The following DCAF8L2 variants were observed in gnomAD, a reference collection of about 807,000 sequenced individuals.
The protein encoded by DCAF8L2 is DDB1 and CUL4 associated factor 8 like 2, also known as DDB1- and CUL4-associated factor 8-like protein 2.
For missense variants in DCAF8L2, 430 were observed against 490.7 expected (o/e 0.88, Z 1.17); for synonymous variants, 200 against 190.9 (o/e 1.05, Z -0.39).
At chrX:27,521,432 C>T in the DCAF8L2 span, among the ~76,000 whole-genome samples, 1 of 112,259 alleles carries the variant, frequency 8.9e-6, no homozygotes, top group East Asian at 2.8e-4. Context: ...CTATTTCATT[C>T]TCTGCTGCTT....
At chrX:27,528,854 T>G in the DCAF8L2 span, among the ~76,000 whole-genome samples, 1 of 111,473 alleles carries the variant, frequency 9.0e-6, no homozygotes, top group East Asian at 2.8e-4. Context: ...AATTTGAGTT[T>G]GAAAACTGAA....
intron 1 of DCAF8L2, among the ~76,000 whole-genome samples, chrX:27,613,281 A>G (rs779634698): frequency 2.3e-4 from 25 of 111,101 alleles, no homozygotes; most frequent in African/African-American, 5.2e-4. Context: ...GAATGCTTGT[A>G]ATTTTTGCAC....
At chrX:27,590,131 T>G (rs762437683), upstream of DCAF8L2, among the ~76,000 whole-genome samples, 1 of 111,636 alleles carries the variant, frequency 9.0e-6, no homozygotes, top group East Asian at 2.8e-4. Context: ...TAGGTTTTTT[T>G]TCTACAAGTA....
chrX:27,658,838 G>A (rs1240004007), intron 2 of DCAF8L2, among the ~76,000 whole-genome samples: 2 of 111,451 alleles, frequency 1.8e-5, no homozygotes, highest in Non-Finnish European at 3.8e-5. Flanking sequence ...TGTAAAAATG[G>A]GGATAAAATC....
At chrX:27,631,444 T>G (rs1162247657) in intron 1 of DCAF8L2, among the ~76,000 whole-genome samples, 1 of 112,444 alleles carries the variant, frequency 8.9e-6, no homozygotes, top group Non-Finnish European at 1.9e-5. Context: ...ATGTTATTAT[T>G]CTCTATCTGC....
At chrX:27,643,569 CATATA>C (rs1182671916) in intron 2 of DCAF8L2, among the ~76,000 whole-genome samples, 4 of 111,754 alleles carry the variant, frequency 3.6e-5, no homozygotes, top group Non-Finnish European at 7.5e-5. Flanking sequence ...CTTACATACA[CATATA>C]ATATAGCTAC....
the DCAF8L2 span, among the ~76,000 whole-genome samples, chrX:27,474,193 C>A: frequency 9.0e-6 from 1 of 110,857 alleles, no homozygotes; most frequent in Admixed American, 9.7e-5. Flanking sequence ...AAACAAAGGA[C>A]CGAAAGAAGA....
the DCAF8L2 span, among the ~76,000 whole-genome samples, chrX:27,497,514 TTCCTTCC>T: frequency 2.4e-5 from 1 of 42,094 alleles, no homozygotes; most frequent in Non-Finnish European, 3.9e-5. Context: ...CTTTCTTTCC[TTCCTTCC>T]TTCCTTCCTT....
In DCAF8L2 at chrX:27,716,098, T is replaced by A. The variant is rs1288012308; in HGVS notation, c.-132T>A. The A allele has an allele frequency of 1.8e-5, 2 of 112,313 alleles. No individual in the cohort carries two copies. Among genetic ancestry groups the A allele is most frequent in the Non-Finnish European group, 3.8e-5 (2 of 53,319 alleles). 9.3% of individuals were successfully genotyped at this position (112,313 alleles called of 1,213,427 possible). A position where few individuals can be genotyped will look rare whatever the true frequency, so the allele number is the denominator to read the frequency against. On this transcript the variant is annotated 5_prime_UTR_variant, in exon 4 of 5. Transcript: ENST00000451261. ...ATTTTATCCTGTTAGGAAGCTGCAC[T>A]GTTGCAGAGGTCCATTAACTCTTTC...
At chrX:27,684,166 C>T (rs1236354061) in intron 3 of DCAF8L2, among the ~76,000 whole-genome samples, 1 of 111,640 alleles carries the variant, frequency 9.0e-6, no homozygotes, top group African/African-American at 3.3e-5. Flanking sequence ...TTATCTCTAC[C>T]CTCAAAGAGC....
intron 1 of DCAF8L2, among the ~76,000 whole-genome samples, chrX:27,618,509 T>C (rs1458108862): frequency 8.9e-6 from 1 of 111,925 alleles, no homozygotes; most frequent in East Asian, 2.8e-4. Context: ...CAAGTAGCTA[T>C]GGCACCTTTG....
At position 27,749,806 on chromosome X, in the gene DCAF8L2, G is replaced by A. The variant is rs1922472505; in HGVS notation, c.*1015G>A. 8.9e-6 allele frequency among the ~76,000 whole-genome samples: 1 copy of A among 112,274 alleles called. No homozygotes were observed. The highest frequency in any genetic ancestry group is 3.2e-5 in the African/African-American group (1 of 30,914). ...TGTAATTGGTAGAAAAATCCTATTT[G>A]ACATCCTCACATTGCTTAAAATTCT... On this transcript the variant is annotated 3_prime_UTR_variant, in exon 5 of 5. Transcript: ENST00000451261.
chrX:27,544,559 G>T, the DCAF8L2 span, among the ~76,000 whole-genome samples: 1 of 111,752 alleles, frequency 8.9e-6, no homozygotes, highest in Admixed American at 9.5e-5. Flanking sequence ...TTTTTGGAGT[G>T]AATAAAACCT....
chrX:27,535,857 T>A, the DCAF8L2 span, among the ~76,000 whole-genome samples: 2 of 112,024 alleles, frequency 1.8e-5, no homozygotes, highest in South Asian at 7.4e-4. Flanking sequence ...TCCACAAATA[T>A]ATATTGAAAT....
chrX:27,688,541 T>C (rs952131718), intron 3 of DCAF8L2, among the ~76,000 whole-genome samples: 2 of 111,362 alleles, frequency 1.8e-5, no homozygotes, highest in Non-Finnish European at 3.8e-5. Context: ...AAACATTTAA[T>C]ATGATGACCA....
chrX:27,590,961 A>ATGT (rs1926042739), intron 1 of DCAF8L2, among the ~76,000 whole-genome samples: 1 of 91,477 alleles, frequency 1.1e-5, no homozygotes, highest in Non-Finnish European at 2.2e-5. Context: ...TAACACATTT[A>ATGT]TGTTAAATGT....
the DCAF8L2 span, among the ~76,000 whole-genome samples, chrX:27,505,461 G>A: frequency 9.0e-6 from 1 of 111,715 alleles, no homozygotes; most frequent in Admixed American, 9.6e-5. Flanking sequence ...CCTACTTACT[G>A]ATTTCAGTTT....
intron 2 of DCAF8L2, chrX:27,633,247 T>G (rs997484001): frequency 4.5e-5 from 5 of 112,134 alleles, no homozygotes; most frequent in African/African-American, 6.5e-5. Flanking sequence ...ATGTGTTCAA[T>G]TGGGTTGAGA....
At chrX:27,493,761 C>T in the DCAF8L2 span, among the ~76,000 whole-genome samples, 4 of 105,889 alleles carry the variant, frequency 3.8e-5, no homozygotes, top group African/African-American at 1.4e-4. Context: ...GAAAACCCTA[C>T]AATCTATTAG....
Sources: gnomAD v4.1 joint callset for allele counts (sites outside exome capture counted in the v4.1 genomes callset) on GRCh38, gnomAD v4.1.1 for gene constraint, MANE v1.5 for transcripts, NCBI Gene and HGNC (gene_info 2026-07-23, HGNC 2026-07-21) for gene names.